The following HNF4A variants were observed in gnomAD, a reference collection of about 807,000 sequenced individuals.
HNF4A encodes hepatocyte nuclear factor 4-alpha.
In HNF4A, 15 loss-of-function variants were observed where a neutral mutation model predicts 52.4. The ratio of observed to expected loss-of-function variants is 0.29; its 90% CI spans 0.19 to 0.44. The LOEUF (loss-of-function observed/expected upper bound fraction) is 0.44, where lower values mean the gene tolerates loss of function less well. Among genes scored for constraint, HNF4A ranks in the 20% least tolerant of loss-of-function variants. HNF4A has a pLI of 1.00. For synonymous variants in HNF4A, 280 were observed against 264.4 expected, an observed-to-expected ratio of 1.06 and a Z score of -0.57; for missense variants, 479 against 647.2, an observed-to-expected ratio of 0.74 and a Z score of 2.82.
At chr20:44,415,118 C>G (rs1356925893) in intron 5 of HNF4A, among the ~76,000 whole-genome samples, 1 of 152,130 alleles carries the variant, frequency 6.6e-6, no homozygotes, top group Non-Finnish European at 1.5e-5. Flanking sequence ...CTGCCTAATC[C>G]TGGGCAAATG....
chr20:44,428,250 T>A, intron 8 of HNF4A, 85 bp from the exon 9 acceptor site: 1 of 1,430,574 alleles, frequency 7.0e-7, no homozygotes, highest in African/African-American at 1.4e-5. Context: ...GCTGGTTGAT[T>A]GGCCACGCCT....
At chr20:44,408,321 A>C (rs900410439) in intron 3 of HNF4A, 1 of 154,452 alleles carries the variant, frequency 6.5e-6, no homozygotes, top group African/African-American at 2.4e-5. Context: ...AGCTTCTGCT[A>C]TTTGGACCAC....
chr20:44,402,794 T>C lies in HNF4A; in HGVS notation c.115+1307T>C, dbSNP rs150321209. On this transcript the variant is annotated intron_variant, in intron 1 of 9. Coordinates refer to ENST00000316099, the MANE Select transcript of HNF4A (RefSeq NM_000457.6). ...GTGTCTTGGAGCCACTCAGCCAGTA[T>C]GAGGCTGCAGCTCCAGCTGAGGTCT... 5.7e-5 allele frequency: 21 copies of C among 371,356 alleles called. No homozygotes were observed. The East Asian group carries it at 1.5e-3, about 26-fold the overall frequency. 23.0% of individuals were successfully genotyped at this position (371,356 alleles called of 1,614,324 possible).
intron 1 of HNF4A, among the ~76,000 whole-genome samples, chr20:44,394,852 A>G (rs1169433582): frequency 6.6e-6 from 1 of 152,172 alleles, no homozygotes; most frequent in Admixed American, 6.5e-5. Flanking sequence ...TTAAGGCAAA[A>G]TCAACAGGCT....
intron 3 of HNF4A, among the ~76,000 whole-genome samples, chr20:44,410,618 T>G (rs1030873736): frequency 1.3e-5 from 2 of 151,938 alleles, no homozygotes; most frequent in Non-Finnish European, 2.9e-5. Flanking sequence ...ATTTGAGGAC[T>G]GAAACCCTAA....
chr20:44,377,341 C>T (rs892683854), intron 1 of HNF4A, among the ~76,000 whole-genome samples: 3 of 152,166 alleles, frequency 2.0e-5, no homozygotes, highest in African/African-American at 7.2e-5. Flanking sequence ...GTACCATGCT[C>T]ATTACCTGGG....
chr20:44,390,984 A>C (rs2063295843), intron 1 of HNF4A, among the ~76,000 whole-genome samples: 1 of 152,166 alleles, frequency 6.6e-6, no homozygotes, highest in Non-Finnish European at 1.5e-5. Context: ...GGAGAGGGAA[A>C]ATGACTTGCC....
intron 8 of HNF4A, among the ~76,000 whole-genome samples, chr20:44,424,892 C>A (rs2063797739): frequency 6.6e-6 from 1 of 152,202 alleles, no homozygotes; most frequent in African/African-American, 2.4e-5. Flanking sequence ...TGGGCAGAAA[C>A]CAAATCATAA....
chr20:44,422,122 C>T (rs950026706), intron 7 of HNF4A, among the ~76,000 whole-genome samples: 3 of 152,056 alleles, frequency 2.0e-5, no homozygotes, highest in African/African-American at 7.2e-5. Flanking sequence ...ATTTGAACTT[C>T]AGACCACCTG....
chr20:44,398,562 T>C (rs187026663), upstream of HNF4A, among the ~76,000 whole-genome samples: 484 of 152,354 alleles, frequency 3.2e-3, 3 homozygotes, highest in African/African-American at 0.011. Context: ...ATGAATCATG[T>C]ATGTAATAGA....
At chr20:44,358,213 T>C (rs1353689391) in intron 1 of HNF4A, among the ~76,000 whole-genome samples, 2 of 144,246 alleles carry the variant, frequency 1.4e-5, no homozygotes, top group Non-Finnish European at 3.0e-5. Context: ...GTTTTATCTG[T>C]AAAATGAGCT....
chr20:44,407,650 T>A (rs2063520438), intron 3 of HNF4A, among the ~76,000 whole-genome samples, 175 bp downstream of exon 3: 1 of 152,062 alleles, frequency 6.6e-6, no homozygotes, highest in African/African-American at 2.4e-5. Context: ...GCGGCTGGGC[T>A]TGGTCTTGAG....
intron 1 of HNF4A, among the ~76,000 whole-genome samples, chr20:44,369,131 C>T (rs2063003692): frequency 6.6e-6 from 1 of 151,268 alleles, no homozygotes; most frequent in Non-Finnish European, 1.5e-5. Context: ...CACCTGTAAT[C>T]CCTGCTACTG....
At chr20:44,364,733 G>A (rs1267174278) in intron 1 of HNF4A, among the ~76,000 whole-genome samples, 1 of 152,192 alleles carries the variant, frequency 6.6e-6, no homozygotes, top group Admixed American at 6.5e-5. Context: ...CTCCCAAAGT[G>A]CTGGGGTTAC....
chr20:44,371,186 T>G (rs974548909), intron 1 of HNF4A, among the ~76,000 whole-genome samples: 3 of 152,188 alleles, frequency 2.0e-5, no homozygotes, highest in African/African-American at 7.2e-5. Context: ...ACACACAGGA[T>G]CTCAGGTACT....
At chr20:44,424,478 A>T in intron 8 of HNF4A, 1 of 984,698 alleles carries the variant, frequency 1.0e-6, no homozygotes, top group Non-Finnish European at 1.5e-6. Context: ...TCACTGTTCT[A>T]AGTGCTGGCA....
intron 4 of HNF4A, 149 bp downstream of exon 4, chr20:44,413,949 C>T: frequency 1.5e-6 from 1 of 688,764 alleles, no homozygotes; most frequent in Admixed American, 2.0e-5. Context: ...TCCGGTTTCA[C>T]ATGGCCCAGT....
chr20:44,356,052 T>G (rs2062854207), intron 1 of HNF4A, among the ~76,000 whole-genome samples, 199 bp downstream of exon 1: 1 of 150,510 alleles, frequency 6.6e-6, no homozygotes, highest in African/African-American at 2.4e-5. Flanking sequence ...GTGCGAGAAG[T>G]GCTGGGAGGG....
chr20:44,358,467 G>A (rs1054365073), intron 1 of HNF4A, among the ~76,000 whole-genome samples: 6 of 151,956 alleles, frequency 3.9e-5, no homozygotes, highest in Middle Eastern at 3.2e-3. Flanking sequence ...AAAACTAGCC[G>A]GGTATGATGG....
Sources: gnomAD v4.1 joint callset for allele counts (sites outside exome capture counted in the v4.1 genomes callset) on GRCh38, gnomAD v4.1.1 for gene constraint, MANE v1.5 for transcripts, NCBI Gene and HGNC (gene_info 2026-07-23, HGNC 2026-07-21) for gene names.